Variants in APOLD1 observed in about 807,000 individuals in gnomAD.
The protein encoded by APOLD1 is apolipoprotein L domain-containing protein 1.
In APOLD1, 22 loss-of-function variants were observed where a neutral mutation model predicts 15.3. The observed-to-expected ratio is 1.44, with a 90% CI of 1.03 to 2.05. The LOEUF is 2.05. APOLD1 is among the 30% of genes most tolerant of loss of function. The probability of loss-of-function intolerance (pLI) is 0.00; values close to 1 mark genes in which losing one functional copy is unlikely to be tolerated. For missense variants in APOLD1, 394 were observed against 353.5 expected (o/e 1.11, Z -0.92); for synonymous variants, 190 against 167.4 (o/e 1.13, Z -1.04).
At chr12:12,748,229 A>G (rs572241119) in intron 1 of APOLD1, among the ~76,000 whole-genome samples, 2 of 152,334 alleles carry the variant, frequency 1.3e-5, no homozygotes, top group African/African-American at 4.8e-5. Context: ...TGGACCACGG[A>G]GCATTAGTGA....
chr12:12,766,584 C>T (rs780938341), intron 1 of APOLD1, among the ~76,000 whole-genome samples: 5 of 152,200 alleles, frequency 3.3e-5, no homozygotes, highest in African/African-American at 4.8e-5. Context: ...TGACTGACAC[C>T]TGTAATCTCA....
At chr12:12,726,201 T>C (rs1325267023) in intron 1 of APOLD1, 1 of 816,106 alleles carries the variant, frequency 1.2e-6, no homozygotes, top group East Asian at 3.1e-5. Context: ...AGGAAAAATG[T>C]GTTATTTCAA....
At chr12:12,742,532 C>T (rs1395269462) in intron 1 of APOLD1, among the ~76,000 whole-genome samples, 10 of 151,922 alleles carry the variant, frequency 6.6e-5, no homozygotes, top group South Asian at 4.2e-4. Context: ...TTTGGGAGGC[C>T]GAGGTGGGTG....
At chr12:12,748,368 T>C (rs182984192) in intron 1 of APOLD1, among the ~76,000 whole-genome samples, 17 of 152,340 alleles carry the variant, frequency 1.1e-4, no homozygotes, top group Admixed American at 9.8e-4. Flanking sequence ...TAAGTTTGAC[T>C]TCATGTGGCT....
At chr12:12,774,918 T>G (rs2136394267) in intron 1 of APOLD1, among the ~76,000 whole-genome samples, 1 of 152,332 alleles carries the variant, frequency 6.6e-6, no homozygotes, top group South Asian at 2.1e-4. Flanking sequence ...AAACATACTC[T>G]CGTCATAAGA....
intron 1 of APOLD1, among the ~76,000 whole-genome samples, chr12:12,749,664 A>G (rs1446453506): frequency 6.6e-6 from 1 of 152,130 alleles, no homozygotes; most frequent in Admixed American, 6.5e-5. Context: ...ACTGCGGACC[A>G]CCACTTTATT....
intron 1 of APOLD1, among the ~76,000 whole-genome samples, chr12:12,727,423 C>A (rs1946601338): frequency 6.6e-6 from 1 of 151,966 alleles, no homozygotes; most frequent in South Asian, 2.1e-4. Flanking sequence ...AATTATATTT[C>A]TATTGGACAT....
chr12:12,770,790 A>AC (rs1051766566), intron 1 of APOLD1, among the ~76,000 whole-genome samples: 12 of 151,668 alleles, frequency 7.9e-5, no homozygotes, highest in African/African-American at 1.2e-4. Flanking sequence ...TAAAAAAAAA[A>AC]AAAACTCTAC....
chr12:12,766,687 A>G (rs1946945118), intron 1 of APOLD1, among the ~76,000 whole-genome samples: 1 of 152,086 alleles, frequency 6.6e-6, no homozygotes, highest in South Asian at 2.1e-4. Flanking sequence ...TGACCCTACT[A>G]AAAATACAAA....
intron 1 of APOLD1, among the ~76,000 whole-genome samples, chr12:12,748,000 A>T (rs1946779624): frequency 6.6e-6 from 1 of 152,188 alleles, no homozygotes; most frequent in African/African-American, 2.4e-5. Flanking sequence ...TGGAAAAGTC[A>T]TTCAGAGGCT....
At chr12:12,762,811 A>G (rs1228211006) in intron 1 of APOLD1, among the ~76,000 whole-genome samples, 1 of 152,160 alleles carries the variant, frequency 6.6e-6, no homozygotes, top group Non-Finnish European at 1.5e-5. Flanking sequence ...CCATGAAGAT[A>G]GAGAATGACT....
At chr12:12,730,294 G>A (rs921775683) in intron 1 of APOLD1, among the ~76,000 whole-genome samples, 1 of 152,176 alleles carries the variant, frequency 6.6e-6, no homozygotes, top group Non-Finnish European at 1.5e-5. Flanking sequence ...TTTGTGAGAT[G>A]CTGTAGTGGT....
chr12:12,784,310 A>G (rs772613005), upstream of APOLD1, among the ~76,000 whole-genome samples: 6 of 152,154 alleles, frequency 3.9e-5, no homozygotes, highest in Admixed American at 6.5e-5. Flanking sequence ...TACCTCCCCA[A>G]TTCGCGCTGG....
chr12:12,728,875 C>G (rs934339761), intron 1 of APOLD1, among the ~76,000 whole-genome samples: 1 of 152,110 alleles, frequency 6.6e-6, no homozygotes, highest in Non-Finnish European at 1.5e-5. Context: ...GATTGGGTCT[C>G]TAGCAGAAGC....
chr12:12,730,589 G>A (rs1198436499), intron 1 of APOLD1, among the ~76,000 whole-genome samples: 1 of 150,144 alleles, frequency 6.7e-6, no homozygotes, highest in Non-Finnish European at 1.5e-5. Flanking sequence ...GCTGAGGCAG[G>A]AGAATCGCTT....
chr12:12,779,205 C>T (rs1173828259), intron 1 of APOLD1, among the ~76,000 whole-genome samples: 1 of 152,148 alleles, frequency 6.6e-6, no homozygotes, highest in Non-Finnish European at 1.5e-5. Flanking sequence ...CCTAGTACTT[C>T]CTGGGCATGT....
intron 1 of APOLD1, among the ~76,000 whole-genome samples, chr12:12,776,983 A>G (rs1947040589): frequency 2.0e-5 from 3 of 152,228 alleles, no homozygotes; most frequent in South Asian, 4.1e-4. Context: ...CTGAAGAAGA[A>G]TTAGCACCCG....
upstream of APOLD1, among the ~76,000 whole-genome samples, chr12:12,783,762 T>G (rs1420827170): frequency 6.6e-6 from 1 of 151,304 alleles, no homozygotes; most frequent in Non-Finnish European, 1.5e-5. Flanking sequence ...GCGTCCTGAA[T>G]AGCTAGGACT....
intron 1 of APOLD1, among the ~76,000 whole-genome samples, chr12:12,772,299 C>A (rs1416095386): frequency 6.6e-6 from 1 of 152,128 alleles, no homozygotes; most frequent in Non-Finnish European, 1.5e-5. Context: ...GAAAGATACA[C>A]CCTGACAACA....
Sources: gnomAD v4.1 joint callset for allele counts (sites outside exome capture counted in the v4.1 genomes callset) on GRCh38, gnomAD v4.1.1 for gene constraint, MANE v1.5 for transcripts, NCBI Gene and HGNC (gene_info 2026-07-23, HGNC 2026-07-21) for gene names.